The following DTNA variants were observed in gnomAD, a reference collection of about 807,000 sequenced individuals.
The protein encoded by DTNA is dystrophin-related protein 3.
DTNA carries 43 observed loss-of-function variants against 100.7 expected under a neutral mutation model. The ratio of observed to expected loss-of-function variants is 0.43; its 90% CI spans 0.33 to 0.55. The LOEUF (loss-of-function observed/expected upper bound fraction) is 0.55. Ranked by LOEUF, DTNA falls within the 20% of genes least tolerant of loss-of-function variation. The pLI is 0.04. For synonymous variants in DTNA, 349 were observed against 347.9 expected (o/e 1.00, Z -0.04); for missense variants, 798 against 953.9 (o/e 0.84, Z 2.15).
At chr18:34,788,714 A>T (rs1368176226) in intron 3 of DTNA, among the ~76,000 whole-genome samples, 1 of 152,230 alleles carries the variant, frequency 6.6e-6, no homozygotes, top group East Asian at 1.9e-4. Context: ...AATTTATGAC[A>T]ACAAAACTAA....
At chr18:34,624,730 C>T (rs2730130) in intron 1 of DTNA, among the ~76,000 whole-genome samples, 40,956 of 152,046 alleles carry the variant, frequency 0.27, 7,553 homozygotes, top group African/African-American at 0.52. Flanking sequence ...TAGACGGGAC[C>T]GTGACTCATC....
chr18:34,770,839 A>G (rs1483830195), intron 3 of DTNA, among the ~76,000 whole-genome samples: 1 of 144,444 alleles, frequency 6.9e-6, no homozygotes, highest in Non-Finnish European at 1.5e-5. Flanking sequence ...CTGGAGTGCA[A>G]TGATGTGATC....
intron 1 of DTNA, among the ~76,000 whole-genome samples, chr18:34,677,322 A>G (rs945344281): frequency 7.2e-5 from 11 of 152,068 alleles, no homozygotes; most frequent in Non-Finnish European, 1.6e-4. Flanking sequence ...CTCCCTCCAA[A>G]TCTATTGCAG....
intron 11 of DTNA, among the ~76,000 whole-genome samples, chr18:34,837,128 AAGAC>A (rs1402081172): frequency 6.6e-6 from 1 of 152,160 alleles, no homozygotes. Flanking sequence ...TATTCAAACA[AAGAC>A]AGACAATTTA....
At chr18:34,808,200 A>G (rs1210800548) in intron 5 of DTNA, among the ~76,000 whole-genome samples, 1 of 152,174 alleles carries the variant, frequency 6.6e-6, no homozygotes, top group South Asian at 2.1e-4. Flanking sequence ...ACGTCTGTCA[A>G]CCTTTAACAT....
At chr18:34,507,409 AATT>A (rs745403066) in intron 1 of DTNA, among the ~76,000 whole-genome samples, 1 of 152,346 alleles carries the variant, frequency 6.6e-6, no homozygotes, top group African/African-American at 2.4e-5. Flanking sequence ...ACCTCCTAGA[AATT>A]ATTATTATTA....
intron 1 of DTNA, among the ~76,000 whole-genome samples, chr18:34,646,298 T>G (rs2059828719): frequency 6.6e-6 from 1 of 152,250 alleles, no homozygotes. Flanking sequence ...GGCAATAAAC[T>G]TATTTTCTAG....
intron 4 of DTNA, among the ~76,000 whole-genome samples, chr18:34,805,276 G>C (rs1035837532): frequency 2.6e-5 from 4 of 152,148 alleles, no homozygotes; most frequent in African/African-American, 7.2e-5. Flanking sequence ...AATCAATGAG[G>C]ATTTGGCAGC....
At chr18:34,569,852 T>C (rs1450420870) in intron 1 of DTNA, among the ~76,000 whole-genome samples, 1 of 151,800 alleles carries the variant, frequency 6.6e-6, no homozygotes, top group African/African-American at 2.4e-5. Context: ...CAAAGGCTAC[T>C]GATTTAAATG....
chr18:34,642,505 CT>C (rs2059388491), intron 1 of DTNA, among the ~76,000 whole-genome samples: 1 of 151,486 alleles, frequency 6.6e-6, no homozygotes, highest in African/African-American at 2.4e-5. Context: ...TCCTTCCTTC[CT>C]TTCTTTCTTT....
intron 3 of DTNA, among the ~76,000 whole-genome samples, chr18:34,768,303 C>T (rs556797944): frequency 2.0e-5 from 3 of 150,072 alleles, no homozygotes; most frequent in South Asian, 2.1e-4. Context: ...TAAGAAGGAA[C>T]GCCCCCCCAA....
At chr18:34,536,499 G>A (rs1365153351) in intron 1 of DTNA, among the ~76,000 whole-genome samples, 1 of 151,772 alleles carries the variant, frequency 6.6e-6, no homozygotes, top group African/African-American at 2.4e-5. Context: ...TTTAAATTGT[G>A]TTTACTACTG....
intron 17 of DTNA, chr18:34,867,723 G>A: frequency 1.0e-6 from 1 of 985,654 alleles, no homozygotes; most frequent in Non-Finnish European, 1.2e-6. Context: ...GATCTTGAAA[G>A]GCTCCTATGG....
At chr18:34,794,345 C>T (rs2094878474) in intron 4 of DTNA, 95 bp downstream of exon 4, 6 of 1,091,594 alleles carry the variant, frequency 5.5e-6, no homozygotes, top group Middle Eastern at 6.2e-4. Flanking sequence ...ATATCTCTCT[C>T]TTTTTTTTTT....
intron 5 of DTNA, among the ~76,000 whole-genome samples, chr18:34,806,574 CTT>C (rs1439234720): frequency 2.0e-5 from 3 of 152,202 alleles, no homozygotes; most frequent in Non-Finnish European, 4.4e-5. Context: ...AATAAGCACT[CTT>C]TGCAGTTAAT....
At chr18:34,745,179 T>C (rs2091360480) in intron 1 of DTNA, among the ~76,000 whole-genome samples, 1 of 152,078 alleles carries the variant, frequency 6.6e-6, no homozygotes, top group Non-Finnish European at 1.5e-5. Context: ...TTTTGTCCTA[T>C]TGCAGAAAAC....
chr18:34,703,751 A>C (rs1454770219), intron 1 of DTNA, among the ~76,000 whole-genome samples: 1 of 152,244 alleles, frequency 6.6e-6, no homozygotes, highest in East Asian at 1.9e-4. Context: ...TTGTTCAATT[A>C]CTAGATGGAC....
Position 34,875,316 on chromosome 18 carries a change from G to A in DTNA, c.1821G>A (p.Ala607=), listed in dbSNP as rs9959365. ...CAATTCCCATGCCCATCCGGTCAGC[G>A]TCAGCCTGCTCCACCCCGACGCACA... ...SRPIPMPIRS[A]SACSTPTHTP... The change falls in exon 18 of 23, where the codon GCG becomes GCA. Residue 607 remains alanine, a synonymous_variant. Coordinates refer to ENST00000444659, the MANE Select transcript of DTNA (RefSeq NM_001386795.1). 1.9e-3 allele frequency: 3,083 copies of A among 1,614,162 alleles called. 56 individuals carry two copies. The African/African-American group carries it at 0.034, about 18-fold the overall frequency.
intron 1 of DTNA, among the ~76,000 whole-genome samples, chr18:34,676,006 A>C (rs955912031): frequency 6.6e-6 from 1 of 152,260 alleles, no homozygotes; most frequent in Non-Finnish European, 1.5e-5. Flanking sequence ...TTTATGGTAG[A>C]AACATCAGTC....
Sources: gnomAD v4.1 joint callset for allele counts (sites outside exome capture counted in the v4.1 genomes callset) on GRCh38, gnomAD v4.1.1 for gene constraint, MANE v1.5 for transcripts, NCBI Gene and HGNC (gene_info 2026-07-23, HGNC 2026-07-21) for gene names.